The following TAGLN3 variants were observed in gnomAD, a reference collection of about 807,000 sequenced individuals.
TAGLN3 encodes the protein transgelin 3.
TAGLN3 carries 12 observed loss-of-function variants against 25.4 expected under a neutral mutation model. The observed-to-expected ratio is 0.47, with a 90% confidence interval of 0.30 to 0.77. TAGLN3 has a LOEUF of 0.77. TAGLN3 is among the 30% of genes least tolerant of loss of function. The probability of loss-of-function intolerance (pLI) is 0.06; values close to 1 mark genes in which losing one functional copy is unlikely to be tolerated. For missense variants in TAGLN3, 218 were observed against 255.8 expected (o/e 0.85, Z 1.01); for synonymous variants, 96 against 94.8 (o/e 1.01, Z -0.08).
At position 112,013,675 on chromosome 3, in the gene TAGLN3, G is replaced by C. The variant is rs758289777; in HGVS notation, c.*124G>C. ...TCAAAGCCTTCTGTCCCTGGTTTTT[G>C]CAAGTGCTGCATTTCCGCCGAGAAT... On this transcript the variant is annotated 3_prime_UTR_variant, in exon 5 of 5. Transcript: ENST00000478951. 1.2e-4 allele frequency: 175 copies of C among 1,440,250 alleles called. No homozygotes were observed. Among genetic ancestry groups the C allele is most frequent in the Non-Finnish European group, 1.6e-4 (165 of 1,046,612 alleles). The allele number at this position is 1,440,250 out of a possible 1,614,324, so 89.2% of individuals were successfully genotyped here.
Position 112,013,637 on chromosome 3 carries a change from C to A in TAGLN3, c.*86C>A, listed in dbSNP as rs761115529. ...AAGAAATAGTTAGTCACCTTCTGAC[C>A]TTCTCCTCTTTCTCAAAGCCTTCTG... On this transcript the variant is annotated 3_prime_UTR_variant, in exon 5 of 5. Coordinates refer to ENST00000478951, the MANE Select transcript of TAGLN3 (RefSeq NM_001008272.2). 6 of 1,579,930 alleles carry A rather than the reference C, an allele frequency of 3.8e-6. No individual in the cohort carries two copies. The highest frequency in any genetic ancestry group is 1.7e-6 in the Non-Finnish European group (2 of 1,158,362).
chr3:112,009,356 TG>T (rs1193507644), intron 3 of TAGLN3, among the ~76,000 whole-genome samples: 1 of 152,210 alleles, frequency 6.6e-6, no homozygotes, highest in Non-Finnish European at 1.5e-5. Flanking sequence ...GCATTGAGGT[TG>T]GTGCCCTTGA....
rs746945238 is a variant in TAGLN3 at position 112,013,698 on chromosome 3, A to G, written c.*147A>G. On this transcript the variant is annotated 3_prime_UTR_variant, in exon 5 of 5. Coordinates refer to ENST00000478951, the MANE Select transcript of TAGLN3 (RefSeq NM_001008272.2). ...TTGCAAGTGCTGCATTTCCGCCGAG[A>G]ATCCGCGTTGCCTACTGCTGCCACC... The G allele has an allele frequency of 4.0e-6, 5 of 1,253,166 alleles. No homozygotes were observed. The East Asian group carries it at 1.3e-4, about 32-fold the overall frequency. The allele number at this position is 1,253,166 out of a possible 1,614,324, so 77.6% of individuals were successfully genotyped here.
chr3:112,013,582 C>G lies in TAGLN3; in HGVS notation c.*31C>G. 6.2e-7 allele frequency: 1 copy of G among 1,613,816 alleles called. No homozygotes were observed. The highest frequency in any genetic ancestry group is 8.5e-7 in the Non-Finnish European group (1 of 1,179,822). ...GGCATCCTGCCCCTGGTAGAGAGGA[C>G]GAATGTTCCACACCATGGTCTCTAC... On this transcript the variant is annotated 3_prime_UTR_variant, in exon 5 of 5. Coordinates refer to ENST00000478951, the MANE Select transcript of TAGLN3 (RefSeq NM_001008272.2).
At chr3:112,010,350 C>T (rs1214087017) in intron 3 of TAGLN3, among the ~76,000 whole-genome samples, 1 of 152,120 alleles carries the variant, frequency 6.6e-6, no homozygotes, top group Non-Finnish European at 1.5e-5. Flanking sequence ...TAACCTAAGC[C>T]TTCCTTTGCT....
In TAGLN3 at chr3:111,999,611, G is replaced by A. The variant is rs199511414; in HGVS notation, c.180+9G>A. ...GGTTAATGGACGGGACGGTAAGGCC[G>A]GCAGCGATCTCGGTTGCTGGGGCGG... On this transcript the variant is annotated intron_variant, in intron 2 of 4. Transcript: ENST00000478951. 1 of 1,610,364 alleles carries A rather than the reference G, an allele frequency of 6.2e-7. No individual in the cohort carries two copies. Among genetic ancestry groups the A allele is most frequent in the Non-Finnish European group, 8.5e-7 (1 of 1,177,226 alleles).
chr3:112,011,650 C>A, intron 3 of TAGLN3, 113 bp from the exon 4 acceptor site: 2 of 946,456 alleles, frequency 2.1e-6, no homozygotes, highest in Non-Finnish European at 3.1e-6. Context: ...TCCCTTGAAT[C>A]TGGTCACCTG....
Position 112,000,921 on chromosome 3 carries a change from CTT to C in TAGLN3, c.332_333del (p.Phe111SerfsTer30). ...ETYGVRTTDIFQTVDLWEGKD... is the reference protein window; with the variant it reads ...ETYGVRTTDIXQTVDLWEGKD... ...CCTATGGTGTCAGAACCACCGACAT[CTT>C]TCAGACGGTGGATCTATGGGAAGGT... On this transcript the variant is annotated frameshift_variant, in exon 3 of 5. Coordinates refer to ENST00000478951, the MANE Select transcript of TAGLN3 (RefSeq NM_001008272.2). LOFTEE classifies it high-confidence loss of function. 6.2e-7 allele frequency: 1 copy of C among 1,614,130 alleles called. No homozygotes were observed.
intron 3 of TAGLN3, among the ~76,000 whole-genome samples, chr3:112,003,951 G>A (rs1283425945): frequency 2.6e-5 from 4 of 152,156 alleles, no homozygotes; most frequent in Admixed American, 2.0e-4. Flanking sequence ...GGCCCCAGAT[G>A]TACCACTATC....
chr3:112,008,888 T>C (rs929597795), intron 3 of TAGLN3, among the ~76,000 whole-genome samples: 12 of 152,134 alleles, frequency 7.9e-5, no homozygotes, highest in Non-Finnish European at 1.8e-4. Flanking sequence ...CATAAAGAGG[T>C]TTTATTTTAG....
chr3:112,013,342 T>A, intron 4 of TAGLN3, 68 bp from the exon 5 acceptor site: 1 of 1,553,978 alleles, frequency 6.4e-7, no homozygotes. Flanking sequence ...GCCTGTCTAA[T>A]TGCATATCTT....
At chr3:112,003,619 T>C (rs949677836) in intron 3 of TAGLN3, among the ~76,000 whole-genome samples, 17 of 152,178 alleles carry the variant, frequency 1.1e-4, no homozygotes, top group African/African-American at 4.1e-4. Context: ...TTCTCTACCT[T>C]GACTGTGGTT....
chr3:112,007,730 C>T (rs2072932974), intron 3 of TAGLN3, among the ~76,000 whole-genome samples: 2 of 152,240 alleles, frequency 1.3e-5, no homozygotes, highest in African/African-American at 2.4e-5. Flanking sequence ...AGCTGCAGGG[C>T]TCTGGGCTGA....
chr3:112,000,999 A>T, intron 3 of TAGLN3, 53 bp downstream of exon 3: 1 of 1,541,518 alleles, frequency 6.5e-7, no homozygotes, highest in African/African-American at 1.4e-5. Flanking sequence ...CCTTTGCCCC[A>T]TCTCCTTGTA....
intron 3 of TAGLN3, among the ~76,000 whole-genome samples, chr3:112,008,719 A>T (rs777027024): frequency 4.6e-5 from 7 of 152,194 alleles, no homozygotes; most frequent in Non-Finnish European, 8.8e-5. Context: ...GGAATTAGGA[A>T]ACATAACAAG....
chr3:112,013,340 A>G lies in TAGLN3; in HGVS notation c.459-70A>G, dbSNP rs1300844811. ...TGGGGACCCCCAGCAGAGCCTGTCT[A>G]ATTGCATATCTTGAAAAGGATTGGA... is the stretch of plus-strand genomic sequence containing the variant. On this transcript the variant is annotated intron_variant, in intron 4 of 4. Coordinates refer to ENST00000478951, the MANE Select transcript of TAGLN3 (RefSeq NM_001008272.2). 3 of 1,550,976 alleles carry G rather than the reference A, an allele frequency of 1.9e-6. No homozygotes were observed. In the African/African-American group the frequency reaches 4.1e-5, roughly 21 times the overall value.
intron 3 of TAGLN3, 63 bp downstream of exon 3, chr3:112,001,009 A>T: frequency 6.8e-7 from 1 of 1,463,618 alleles, no homozygotes; most frequent in Non-Finnish European, 9.5e-7. Flanking sequence ...ATCTCCTTGT[A>T]AAAACTGCTC....
intron 3 of TAGLN3, among the ~76,000 whole-genome samples, chr3:112,002,397 C>T (rs2072870435): frequency 6.6e-6 from 1 of 152,190 alleles, no homozygotes; most frequent in South Asian, 2.1e-4. Context: ...ATAGCAGAGC[C>T]AGAATTCAAA....
In TAGLN3 at chr3:112,011,840, C is replaced by G; in HGVS notation, c.433C>G (p.Arg145Gly). 1 of 1,613,918 alleles carries G rather than the reference C, an allele frequency of 6.2e-7. No homozygotes were observed. The highest frequency in any genetic ancestry group is 8.5e-7 in the Non-Finnish European group (1 of 1,179,870). ...VAVTKDDGCY[R>G]GEPSWFHRKA... ...AGTCACCAAGGATGATGGCTGCTAT[C>G]GGGGAGAGCCATCCTGGTTTCACAG... is the stretch of plus-strand genomic sequence containing the variant. Residue 145 changes from arginine to glycine, a missense_variant, in exon 4 of 5, where the codon CGG (arginine) becomes GGG (glycine). By Grantham distance (125) the Arg-to-Gly change is moderately radical (BLOSUM62 -2). Transcript: ENST00000478951.
Sources: allele counts gnomAD v4.1 joint callset (sites outside exome capture counted in the v4.1 genomes callset), GRCh38; gene constraint gnomAD v4.1.1; transcripts MANE v1.5; gene names NCBI Gene and HGNC (gene_info 2026-07-23, HGNC 2026-07-21).